CNTNAP5: variants seen among roughly 807,000 people sequenced by gnomAD.
CNTNAP5 encodes the protein contactin-associated protein-like 5.
A neutral mutation model predicts 150.2 loss-of-function variants in CNTNAP5; 72 were observed. The observed-to-expected ratio is 0.48, with a 90% CI of 0.40 to 0.58. The LOEUF (loss-of-function observed/expected upper bound fraction) is 0.58. Ranked by LOEUF, CNTNAP5 falls within the 20% of genes least tolerant of loss-of-function variation. The pLI, the probability that CNTNAP5 is intolerant of heterozygous loss-of-function variation, is 0.00. For missense variants in CNTNAP5, 1,636 were observed against 1,626.2 expected, an observed-to-expected ratio of 1.01 and a Z score of -0.10; for synonymous variants, 672 against 619.8, an observed-to-expected ratio of 1.08 and a Z score of -1.25.
At chr2:124,304,993 TG>T (rs1344181956) in intron 3 of CNTNAP5, among the ~76,000 whole-genome samples, 2 of 150,852 alleles carry the variant, frequency 1.3e-5, no homozygotes, top group African/African-American at 4.9e-5. Context: ...AGGCCACATG[TG>T]GTGGCACACA....
At chr2:124,611,576 C>T (rs1222164281) in intron 12 of CNTNAP5, among the ~76,000 whole-genome samples, 1 of 152,128 alleles carries the variant, frequency 6.6e-6, no homozygotes, top group Non-Finnish European at 1.5e-5. Context: ...CTCAGTGGAT[C>T]TCGGTTATTT....
intron 12 of CNTNAP5, among the ~76,000 whole-genome samples, chr2:124,614,809 G>T (rs1677459632): frequency 6.6e-6 from 1 of 152,068 alleles, no homozygotes; most frequent in South Asian, 2.1e-4. Flanking sequence ...ATCACATCCT[G>T]TGACTAAGAA....
chr2:124,905,038 CAA>C (rs55882801), intron 22 of CNTNAP5, among the ~76,000 whole-genome samples: 85 of 50,700 alleles, frequency 1.7e-3, no homozygotes, highest in African/African-American at 4.5e-3. Flanking sequence ...AACTCAATAG[CAA>C]AAAAAAAAAA....
At chr2:124,869,179 G>A (rs370840157) in intron 20 of CNTNAP5, among the ~76,000 whole-genome samples, 15 of 152,256 alleles carry the variant, frequency 9.9e-5, no homozygotes, top group African/African-American at 3.6e-4. Context: ...TTGTCAGACT[G>A]CAATCCTTGC....
chr2:124,717,592 G>A (rs148687878), intron 13 of CNTNAP5, among the ~76,000 whole-genome samples: 308 of 152,284 alleles, frequency 2.0e-3, no homozygotes, highest in African/African-American at 7.0e-3. Flanking sequence ...CTCCGATTTA[G>A]TCCATGTGAC....
chr2:124,304,955 G>T (rs1409431997), intron 3 of CNTNAP5, among the ~76,000 whole-genome samples: 1 of 151,888 alleles, frequency 6.6e-6, no homozygotes, highest in Admixed American at 6.6e-5. Flanking sequence ...TATCCCAGGA[G>T]TAAACAAAAG....
intron 2 of CNTNAP5, among the ~76,000 whole-genome samples, chr2:124,240,653 T>C (rs903506003): frequency 7.3e-6 from 1 of 136,254 alleles, no homozygotes; most frequent in Non-Finnish European, 1.6e-5. Flanking sequence ...TTCTCAGGAA[T>C]GGTGAGAAAA....
intron 3 of CNTNAP5, among the ~76,000 whole-genome samples, chr2:124,316,371 T>G (rs1688960041): frequency 6.6e-6 from 1 of 152,160 alleles, no homozygotes; most frequent in Admixed American, 6.5e-5. Flanking sequence ...TTTAACTCAA[T>G]TAGCACATGA....
chr2:124,462,226 A>G (rs754432496), intron 6 of CNTNAP5, among the ~76,000 whole-genome samples: 1 of 152,042 alleles, frequency 6.6e-6, no homozygotes, highest in Non-Finnish European at 1.5e-5. Flanking sequence ...TTTCCCTCTG[A>G]GGAGAGAAAA....
intron 3 of CNTNAP5, among the ~76,000 whole-genome samples, chr2:124,335,008 G>A (rs561981755): frequency 6.6e-6 from 1 of 152,052 alleles, no homozygotes; most frequent in South Asian, 2.1e-4. Flanking sequence ...TTCCAAAAAG[G>A]GTGCAGAAGA....
chr2:124,687,770 T>A (rs1180496997), intron 13 of CNTNAP5, among the ~76,000 whole-genome samples: 2 of 152,112 alleles, frequency 1.3e-5, no homozygotes, highest in Non-Finnish European at 2.9e-5. Context: ...TTAATGAATA[T>A]AGAATAATCA....
In CNTNAP5 at chr2:124,278,248, C is replaced by A. The variant is rs10202927; in HGVS notation, c.381+35855C>A. Among the ~76,000 whole-genome samples, 213 of 152,128 alleles carry A rather than the reference C, an allele frequency of 1.4e-3. 3 individuals carry two copies. The highest frequency in any genetic ancestry group is 4.8e-3 in the African/African-American group (198 of 41,488). On this transcript the variant is annotated intron_variant, in intron 3 of 23. Coordinates refer to ENST00000682447, the MANE Select transcript of CNTNAP5 (RefSeq NM_001367498.1). Reference sequence around the variant, plus strand: ...AAATAAGTTCATAATAAGATATAAGCAGATTCTACTCATTTAATTAATTTC... The same window carrying A: ...AAATAAGTTCATAATAAGATATAAGAAGATTCTACTCATTTAATTAATTTC...
intron 1 of CNTNAP5, among the ~76,000 whole-genome samples, chr2:124,170,943 CA>C (rs1218132425): frequency 6.6e-6 from 1 of 152,166 alleles, no homozygotes; most frequent in Non-Finnish European, 1.5e-5. Flanking sequence ...GGAAACCCAA[CA>C]GGCTCTTGTG....
chr2:124,148,060 C>G (rs1448168447), intron 1 of CNTNAP5, among the ~76,000 whole-genome samples: 1 of 152,168 alleles, frequency 6.6e-6, no homozygotes, highest in Non-Finnish European at 1.5e-5. Flanking sequence ...CATGCCTTGC[C>G]TCACACCAAG....
intron 13 of CNTNAP5, among the ~76,000 whole-genome samples, chr2:124,728,152 GGT>G (rs1393276739): frequency 6.6e-6 from 1 of 151,930 alleles, no homozygotes; most frequent in East Asian, 1.9e-4. Flanking sequence ...ACTTGATCAT[GGT>G]GTGTAATTCT....
At chr2:124,446,080 A>G (rs1461265398) in intron 5 of CNTNAP5, among the ~76,000 whole-genome samples, 1 of 152,120 alleles carries the variant, frequency 6.6e-6, no homozygotes, top group Non-Finnish European at 1.5e-5. Flanking sequence ...GACCCGAGCC[A>G]TGATCCATAG....
intron 22 of CNTNAP5, among the ~76,000 whole-genome samples, chr2:124,909,716 C>G (rs1678613101): frequency 6.7e-6 from 1 of 150,182 alleles, no homozygotes; most frequent in Non-Finnish European, 1.5e-5. Context: ...CTCCCTCCCC[C>G]TTTTATTGAC....
At chr2:124,278,086 C>T (rs1163753180) in intron 3 of CNTNAP5, among the ~76,000 whole-genome samples, 1 of 152,038 alleles carries the variant, frequency 6.6e-6, no homozygotes, top group Non-Finnish European at 1.5e-5. Flanking sequence ...AATTTTAAGA[C>T]AGAGATGGCA....
chr2:124,188,436 G>A (rs1304132681), intron 1 of CNTNAP5, among the ~76,000 whole-genome samples: 1 of 151,990 alleles, frequency 6.6e-6, no homozygotes, highest in Non-Finnish European at 1.5e-5. Flanking sequence ...AAAGAAAGAA[G>A]GGGCCGGGCG....
Sources: gnomAD v4.1 joint callset for allele counts (sites outside exome capture counted in the v4.1 genomes callset) on GRCh38, gnomAD v4.1.1 for gene constraint, MANE v1.5 for transcripts, NCBI Gene and HGNC (gene_info 2026-07-23, HGNC 2026-07-21) for gene names.